Variants in PHF21A observed in about 807,000 individuals in gnomAD.
The protein encoded by PHF21A is PHD finger protein 21A.
PHF21A carries 11 observed loss-of-function variants against 82.5 expected under a neutral mutation model. That is an observed-to-expected ratio of 0.13 (90% CI 0.08 to 0.22). PHF21A has a LOEUF of 0.22. PHF21A is among the 10% of genes least tolerant of loss of function. The pLI is 1.00. For missense variants in PHF21A, 579 were observed against 837.8 expected, an observed-to-expected ratio of 0.69 and a Z score of 3.81; for synonymous variants, 297 against 302.8, an observed-to-expected ratio of 0.98 and a Z score of 0.20.
intron 5 of PHF21A, 127 bp downstream of exon 5, chr11:46,079,006 AT>A (rs2096759859): frequency 1.8e-6 from 1 of 564,522 alleles, no homozygotes; most frequent in South Asian, 2.9e-5. Context: ...TGTATTAAAA[AT>A]AATTGCTATT....
chr11:46,066,967 T>C (rs1198819101), intron 6 of PHF21A, among the ~76,000 whole-genome samples: 1 of 152,236 alleles, frequency 6.6e-6, no homozygotes, highest in Non-Finnish European at 1.5e-5. Flanking sequence ...TACAATTTGC[T>C]TTTTTAACTT....
intron 6 of PHF21A, among the ~76,000 whole-genome samples, chr11:46,070,993 G>C (rs558864821): frequency 2.0e-5 from 3 of 152,004 alleles, no homozygotes; most frequent in Non-Finnish European, 4.4e-5. Context: ...GGAGATACAT[G>C]GTTAAAAATT....
intron 6 of PHF21A, among the ~76,000 whole-genome samples, chr11:46,058,142 C>T (rs2096486157): frequency 6.6e-6 from 1 of 152,100 alleles, no homozygotes; most frequent in Non-Finnish European, 1.5e-5. Context: ...GCCTGAACAC[C>T]TCCCTACATT....
intron 4 of PHF21A, among the ~76,000 whole-genome samples, chr11:46,083,144 C>T (rs986798525): frequency 1.3e-5 from 2 of 151,576 alleles, no homozygotes; most frequent in Non-Finnish European, 2.9e-5. Context: ...TTCTGCTCTC[C>T]TCAATTAGTA....
At chr11:46,035,717 T>G (rs1440703961) in intron 6 of PHF21A, among the ~76,000 whole-genome samples, 1 of 151,922 alleles carries the variant, frequency 6.6e-6, no homozygotes, top group Non-Finnish European at 1.5e-5. Context: ...CTCACCAAGG[T>G]GGGGAGGAGA....
rs117243792 is a variant in PHF21A at position 46,019,669 on chromosome 11, G to A, written c.154-39703C>T. Among the ~76,000 whole-genome samples, 1,045 of 152,206 alleles carry A rather than the reference G, an allele frequency of 6.9e-3. 4 individuals carry two copies. Among genetic ancestry groups the A allele is most frequent in the Admixed American group, 0.014 (210 of 15,288 alleles). The stretch of plus-strand genomic sequence containing the variant: ...TTTATATTAACTTAAGCAATCAGAC[G>A]GCATTCCAATCTTAGCAATGAAATT... On this transcript the variant is annotated intron_variant, in intron 6 of 18. Coordinates refer to ENST00000676320, the MANE Select transcript of PHF21A (RefSeq NM_001352027.3).
intron 15 of PHF21A, 74 bp downstream of exon 15, chr11:45,945,766 G>C: frequency 7.8e-7 from 1 of 1,277,044 alleles, no homozygotes; most frequent in Non-Finnish European, 1.1e-6. Context: ...AAGTCGATAA[G>C]GAGACAACAT....
intron 6 of PHF21A, among the ~76,000 whole-genome samples, chr11:45,980,228 G>C (rs11600515): frequency 0.12 from 18,627 of 152,188 alleles, 1,537 homozygotes; most frequent in Non-Finnish European, 0.17. Context: ...TCACACAGCA[G>C]AGCTCAGATG....
intron 9 of PHF21A, 142 bp downstream of exon 9, chr11:45,969,673 T>C: frequency 1.6e-6 from 1 of 619,526 alleles, no homozygotes; most frequent in South Asian, 2.1e-5. Flanking sequence ...TTCTTCATAG[T>C]ACAGAAATCA....
intron 6 of PHF21A, among the ~76,000 whole-genome samples, chr11:46,024,038 G>C (rs1281432036): frequency 6.6e-6 from 1 of 152,194 alleles, no homozygotes; most frequent in East Asian, 1.9e-4. Flanking sequence ...ATGTTCTAAG[G>C]AACACAGTTT....
At chr11:45,992,036 G>A (rs114068184) in intron 6 of PHF21A, among the ~76,000 whole-genome samples, 2 of 152,148 alleles carry the variant, frequency 1.3e-5, no homozygotes, top group South Asian at 4.1e-4. Flanking sequence ...CCAGGTGTAA[G>A]ATACTAGGCA....
chr11:46,028,723 G>A (rs182794799), intron 6 of PHF21A, among the ~76,000 whole-genome samples: 25 of 151,936 alleles, frequency 1.6e-4, no homozygotes, highest in African/African-American at 5.3e-4. Flanking sequence ...ACAGGCGCCC[G>A]CCACCACGCC....
chr11:45,948,596 T>C (rs191143440), intron 14 of PHF21A, among the ~76,000 whole-genome samples: 244 of 152,356 alleles, frequency 1.6e-3, no homozygotes, highest in Admixed American at 0.014. Flanking sequence ...TTCTGTTCAC[T>C]GTGCTATTCA....
chr11:46,032,377 GTCCT>G (rs1345093782), intron 6 of PHF21A, among the ~76,000 whole-genome samples: 1 of 151,984 alleles, frequency 6.6e-6, no homozygotes, highest in Non-Finnish European at 1.5e-5. Flanking sequence ...GTGCTACCAT[GTCCT>G]TCGTTTATTT....
At chr11:45,938,607 C>T (rs574767839) in intron 15 of PHF21A, among the ~76,000 whole-genome samples, 1 of 152,272 alleles carries the variant, frequency 6.6e-6, no homozygotes, top group East Asian at 1.9e-4. Context: ...TTTTTCTATA[C>T]ACACAGACCC....
At chr11:45,976,596 C>T (rs2094035888) in intron 7 of PHF21A, among the ~76,000 whole-genome samples, 2 of 152,198 alleles carry the variant, frequency 1.3e-5, no homozygotes, top group South Asian at 4.1e-4. Flanking sequence ...AATCCCAACA[C>T]TGTGGGAGAC....
chr11:45,980,016 T>A, intron 6 of PHF21A, 50 bp from the exon 7 acceptor site: 1 of 1,611,164 alleles, frequency 6.2e-7, no homozygotes, highest in Admixed American at 1.7e-5. Flanking sequence ...TACTGCTCTA[T>A]CAGCTGCACA....
In PHF21A at chr11:46,047,364, A is replaced by G. The variant is rs375146676; in HGVS notation, c.153+29390T>C. ...AAACAATACTCCTTGATGGTTTATC[A>G]TGAAGCATTTTTATAGGCTGGTAAG... On this transcript the variant is annotated intron_variant, in intron 6 of 18. Coordinates refer to ENST00000676320, the MANE Select transcript of PHF21A (RefSeq NM_001352027.3). Among the ~76,000 whole-genome samples the G allele has an allele frequency of 7.9e-5, 12 of 152,374 alleles. No individual in the cohort carries two copies. In the South Asian group the frequency reaches 1.2e-3, roughly 16 times the overall value.
intron 7 of PHF21A, among the ~76,000 whole-genome samples, chr11:45,974,187 C>T (rs1433476480): frequency 6.6e-6 from 1 of 152,008 alleles, no homozygotes; most frequent in Non-Finnish European, 1.5e-5. Flanking sequence ...TCAGTGAAAA[C>T]TTTTTGAAGA....
Sources: allele counts gnomAD v4.1 joint callset (sites outside exome capture counted in the v4.1 genomes callset), GRCh38; gene constraint gnomAD v4.1.1; transcripts MANE v1.5; gene names NCBI Gene and HGNC (gene_info 2026-07-23, HGNC 2026-07-21).